The following KPNA6 variants were observed in gnomAD, a reference collection of about 807,000 sequenced individuals.
KPNA6 encodes the protein karyopherin subunit alpha 6, also known as importin subunit alpha-7.
KPNA6 carries 9 observed loss-of-function variants against 72.0 expected under a neutral mutation model. The observed-to-expected ratio is 0.13, with a 90% CI of 0.08 to 0.22. The LOEUF is 0.22. KPNA6 is among the 10% of genes least tolerant of loss of function. The probability of loss-of-function intolerance (pLI) is 1.00; values close to 1 mark genes in which losing one functional copy is unlikely to be tolerated. For missense variants in KPNA6, 374 were observed against 655.7 expected (o/e 0.57, Z 4.69); for synonymous variants, 219 against 242.1 (o/e 0.90, Z 0.89).
chr1:32,174,733 T>A lies in KPNA6; in HGVS notation c.*3839T>A, dbSNP rs1037069255. Reference sequence around the variant, plus strand: ...CAGGGACCCCATAGGGAGAACAGGCTGACTGGGGCATTAGGAATGTTTGTA... The same window carrying A: ...CAGGGACCCCATAGGGAGAACAGGCAGACTGGGGCATTAGGAATGTTTGTA... On this transcript the variant is annotated 3_prime_UTR_variant, in exon 14 of 14. Coordinates refer to ENST00000373625, the MANE Select transcript of KPNA6 (RefSeq NM_012316.5). 6.6e-6 allele frequency: 1 copy of A among 152,188 alleles called. No individual in the cohort carries two copies. The highest frequency in any genetic ancestry group is 1.5e-5 in the Non-Finnish European group (1 of 68,030). The allele number at this position is 152,188 out of a possible 1,614,324, so 9.4% of individuals were successfully genotyped here. A position where few individuals can be genotyped will look rare whatever the true frequency, so the allele number is the denominator to read the frequency against.
At chr1:32,132,998 G>A (rs1641668178) in intron 1 of KPNA6, among the ~76,000 whole-genome samples, 1 of 152,078 alleles carries the variant, frequency 6.6e-6, no homozygotes, top group Admixed American at 6.5e-5. Flanking sequence ...GCCTCCAAAA[G>A]TGTTGGGATT....
rs189176322 is a variant in KPNA6, at chr1:32,163,185, G to A, written c.912-50G>A. On this transcript the variant is annotated intron_variant, in intron 9 of 13. Transcript: ENST00000373625. The stretch of plus-strand genomic sequence containing the variant: ...TCAGACTAAAGAGAGAGAATCAGCA[G>A]GGCCGAAAATGGTGTGCTGGCCTTC... 1.7e-3 allele frequency: 2,017 copies of A among 1,203,902 alleles called. 4 individuals carry two copies. Among genetic ancestry groups the A allele is most frequent in the Admixed American group, 2.0e-3 (118 of 58,312 alleles). 74.6% of individuals were successfully genotyped at this position (1,203,902 alleles called of 1,614,324 possible).
intron 1 of KPNA6, among the ~76,000 whole-genome samples, chr1:32,110,317 G>A (rs1396878349): frequency 2.0e-5 from 3 of 151,172 alleles, no homozygotes; most frequent in Admixed American, 6.6e-5. Context: ...TGCCCGTCTC[G>A]GCCTCCCAAA....
intron 1 of KPNA6, among the ~76,000 whole-genome samples, chr1:32,113,123 G>A (rs1012123880): frequency 3.3e-5 from 5 of 152,086 alleles, no homozygotes; most frequent in Non-Finnish European, 1.5e-5. Context: ...GGTCTTGGTG[G>A]CTCACGCCTA....
chr1:32,153,587 A>G (rs1642078537), intron 1 of KPNA6, among the ~76,000 whole-genome samples: 4 of 151,286 alleles, frequency 2.6e-5, no homozygotes. Flanking sequence ...AAAAAAAAAA[A>G]AAAGAAGAAA....
chr1:32,151,252 G>A (rs1642027269), intron 1 of KPNA6, among the ~76,000 whole-genome samples: 3 of 152,050 alleles, frequency 2.0e-5, no homozygotes, highest in Non-Finnish European at 2.9e-5. Context: ...CCTTTTCTGG[G>A]AATAGTTTAA....
chr1:32,114,451 A>AATATATAT (rs1553125089), intron 1 of KPNA6, among the ~76,000 whole-genome samples: 1 of 145,556 alleles, frequency 6.9e-6, no homozygotes, highest in Admixed American at 6.9e-5. Flanking sequence ...CAAAAAAAAA[A>AATATATAT]ATATATATAT....
chr1:32,156,818 G>A lies in KPNA6; in HGVS notation c.139-35G>A. ...ATTGTTCTTTGTTTTCTTTGGTTCA[G>A]AGAGTACTCTTAACCACTGTCTCTT... On this transcript the variant is annotated intron_variant, in intron 2 of 13. Transcript: ENST00000373625. 2.7e-6 allele frequency: 4 copies of A among 1,478,824 alleles called. 1 individual carries two copies. The South Asian group carries it at 4.5e-5, about 17-fold the overall frequency. The allele number at this position is 1,478,824 out of a possible 1,614,324, so 91.6% of individuals were successfully genotyped here.
intron 1 of KPNA6, among the ~76,000 whole-genome samples, chr1:32,153,725 A>G (rs1210760541): frequency 1.3e-5 from 2 of 152,228 alleles, no homozygotes. Flanking sequence ...ATACTTTATG[A>G]CACCCAGTAG....
chr1:32,125,979 TAAAA>T (rs75504815), intron 1 of KPNA6, among the ~76,000 whole-genome samples: 1,545 of 98,972 alleles, frequency 0.016, 14 homozygotes, highest in African/African-American at 0.021. Context: ...CTATATTTAC[TAAAA>T]AAAAAAAAAA....
chr1:32,133,561 T>C (rs976069134), intron 1 of KPNA6, among the ~76,000 whole-genome samples: 5 of 149,192 alleles, frequency 3.4e-5, no homozygotes, highest in Admixed American at 6.7e-5. Context: ...CATGATGGCA[T>C]GGGCCTGTGG....
intron 5 of KPNA6, among the ~76,000 whole-genome samples, chr1:32,158,683 C>A (rs1028161013): frequency 6.6e-6 from 1 of 152,100 alleles, no homozygotes; most frequent in Non-Finnish European, 1.5e-5. Flanking sequence ...CCCCCAGTCC[C>A]CCACTACTGG....
chr1:32,141,779 C>T (rs902138692), intron 1 of KPNA6, among the ~76,000 whole-genome samples: 8 of 152,028 alleles, frequency 5.3e-5, no homozygotes, highest in African/African-American at 1.2e-4. Flanking sequence ...TCGCCTTTGC[C>T]GAGGTCTAAA....
At chr1:32,155,190 A>G (rs1642115173) in intron 2 of KPNA6, among the ~76,000 whole-genome samples, 1 of 151,764 alleles carries the variant, frequency 6.6e-6, no homozygotes. Flanking sequence ...GTTGTAAATA[A>G]ATGTTGGGAG....
intron 1 of KPNA6, among the ~76,000 whole-genome samples, chr1:32,132,623 G>A (rs1350220674): frequency 6.6e-6 from 1 of 152,126 alleles, no homozygotes; most frequent in African/African-American, 2.4e-5. Context: ...TGGGGTCCCA[G>A]CCCAGCGTGG....
At chr1:32,166,804 G>A (rs1642348019) in intron 11 of KPNA6, among the ~76,000 whole-genome samples, 3 of 151,416 alleles carry the variant, frequency 2.0e-5, no homozygotes. Flanking sequence ...CGGGCGTGGT[G>A]GCAGGCGCCT....
intron 1 of KPNA6, among the ~76,000 whole-genome samples, chr1:32,119,023 TA>T (rs56738611): frequency 0.014 from 1,158 of 85,410 alleles, 8 homozygotes; most frequent in African/African-American, 0.022. Flanking sequence ...TATATATATA[TA>T]TATATATATT....
chr1:32,158,198 A>G lies in KPNA6; in HGVS notation c.332-69A>G, dbSNP rs975313904. The G allele has an allele frequency of 2.7e-5, 26 of 975,138 alleles. No individual in the cohort carries two copies. The African/African-American group carries it at 3.4e-4, about 13-fold the overall frequency. 60.4% of individuals were successfully genotyped at this position (975,138 alleles called of 1,614,324 possible). ...TCAGAAGTGTCTAAGAAGGATTGCA[A>G]GCTGACCCCCATGAAGGGATCAGCA... On this transcript the variant is annotated intron_variant, in intron 4 of 13. Coordinates refer to ENST00000373625, the MANE Select transcript of KPNA6 (RefSeq NM_012316.5).
intron 1 of KPNA6, among the ~76,000 whole-genome samples, chr1:32,118,548 A>G (rs2124523737): frequency 6.6e-6 from 1 of 152,078 alleles, no homozygotes; most frequent in African/African-American, 2.4e-5. Context: ...TATTCCTAGC[A>G]CTTTGGGAGG....
Sources: gnomAD v4.1 joint callset for allele counts (sites outside exome capture counted in the v4.1 genomes callset) on GRCh38, gnomAD v4.1.1 for gene constraint, MANE v1.5 for transcripts, NCBI Gene and HGNC (gene_info 2026-07-23, HGNC 2026-07-21) for gene names.